The following USH2A variants were observed in gnomAD, a reference collection of about 807,000 sequenced individuals.
USH2A encodes Usher syndrome 2A (autosomal recessive, mild).
USH2A carries 443 observed loss-of-function variants against 538.9 expected under a neutral mutation model. The ratio of observed to expected loss-of-function variants is 0.82; its 90% CI spans 0.76 to 0.89. The LOEUF (loss-of-function observed/expected upper bound fraction) is 0.89, where lower values mean the gene tolerates loss of function less well. USH2A is among the 40% of genes least tolerant of loss of function. The probability of loss-of-function intolerance (pLI) is 0.00; values close to 1 mark genes in which losing one functional copy is unlikely to be tolerated. For synonymous variants in USH2A, 2,413 were observed against 2,273.5 expected (o/e 1.06, Z -1.75); for missense variants, 6,633 against 6,324.8 (o/e 1.05, Z -1.65).
At chr1:216,192,085 A>T (rs1396027274) in intron 19 of USH2A, among the ~76,000 whole-genome samples, 1 of 152,054 alleles carries the variant, frequency 6.6e-6, no homozygotes, top group Non-Finnish European at 1.5e-5. Context: ...AAAGTTTTTC[A>T]TGAAATAAGT....
At chr1:216,282,833 C>G (rs919402794) in intron 11 of USH2A, among the ~76,000 whole-genome samples, 1 of 152,100 alleles carries the variant, frequency 6.6e-6, no homozygotes, top group African/African-American at 2.4e-5. Flanking sequence ...AATATTAAGT[C>G]TTCTGATACA....
At chr1:215,935,982 T>C (rs1666482925) in intron 37 of USH2A, among the ~76,000 whole-genome samples, 1 of 152,002 alleles carries the variant, frequency 6.6e-6, no homozygotes, top group African/African-American at 2.4e-5. Flanking sequence ...AAATTTGAGA[T>C]TACAGTGAAC....
At chr1:215,923,184 T>A (rs1666145355) in intron 38 of USH2A, among the ~76,000 whole-genome samples, 1 of 152,030 alleles carries the variant, frequency 6.6e-6, no homozygotes, top group Non-Finnish European at 1.5e-5. Flanking sequence ...GCTTTTGTTT[T>A]CAAGTGGCAG....
intron 21 of USH2A, among the ~76,000 whole-genome samples, chr1:216,162,396 T>C (rs1186120844): frequency 1.3e-5 from 2 of 152,114 alleles, no homozygotes; most frequent in Admixed American, 6.6e-5. Flanking sequence ...TATCATCCTT[T>C]CTGTCCACCT....
intron 20 of USH2A, among the ~76,000 whole-genome samples, chr1:216,188,217 T>A (rs301747): frequency 6.6e-6 from 1 of 151,794 alleles, no homozygotes; most frequent in Non-Finnish European, 1.5e-5. Flanking sequence ...CTGCAACCAA[T>A]GAGGATACTA....
At chr1:216,077,458 G>A (rs946005123) in intron 27 of USH2A, among the ~76,000 whole-genome samples, 10 of 151,292 alleles carry the variant, frequency 6.6e-5, no homozygotes, top group African/African-American at 2.4e-4. Flanking sequence ...GCAATGAATT[G>A]CATTGATATT....
At chr1:215,692,716 G>T (rs1021055868) in intron 61 of USH2A, among the ~76,000 whole-genome samples, 1 of 152,004 alleles carries the variant, frequency 6.6e-6, no homozygotes, top group African/African-American at 2.4e-5. Context: ...CTATATCTAT[G>T]AGGAGCAGGG....
At chr1:216,092,577 T>G (rs2102568530) in intron 22 of USH2A, among the ~76,000 whole-genome samples, 1 of 152,292 alleles carries the variant, frequency 6.6e-6, no homozygotes, top group South Asian at 2.1e-4. Context: ...TATTCAAAAT[T>G]TTCACCATCC....
intron 30 of USH2A, among the ~76,000 whole-genome samples, chr1:216,062,731 A>G (rs1571927187): frequency 6.6e-6 from 1 of 152,202 alleles, no homozygotes. Flanking sequence ...ATTTGACTCT[A>G]CAAGCCGTGT....
At chr1:216,029,588 T>C (rs1373166268) in intron 32 of USH2A, among the ~76,000 whole-genome samples, 5 of 151,986 alleles carry the variant, frequency 3.3e-5, no homozygotes, top group Admixed American at 6.6e-5. Context: ...ATTAGTGTCA[T>C]ATAGCCACAA....
intron 3 of USH2A, among the ~76,000 whole-genome samples, chr1:216,416,745 G>T (rs1267150935): frequency 6.6e-6 from 1 of 152,090 alleles, no homozygotes; most frequent in East Asian, 1.9e-4. Flanking sequence ...AACTTTCTTT[G>T]TGAAGCTTTT....
At chr1:215,835,004 T>C (rs142631025) in intron 47 of USH2A, among the ~76,000 whole-genome samples, 8 of 151,958 alleles carry the variant, frequency 5.3e-5, no homozygotes, top group Non-Finnish European at 1.2e-4. Context: ...TGGTTATTTA[T>C]TTATTTTTTT....
chr1:215,972,704 C>A (rs1259735330), intron 35 of USH2A, among the ~76,000 whole-genome samples: 1 of 152,102 alleles, frequency 6.6e-6, no homozygotes, highest in Admixed American at 6.6e-5. Context: ...TATAGTTTAC[C>A]ATTCTGATAA....
At position 216,175,922 on chromosome 1, in the gene USH2A, T is replaced by G. The variant is rs549953540; in HGVS notation, c.4397-440A>C. 1.2e-4 allele frequency among the ~76,000 whole-genome samples: 18 copies of G among 152,216 alleles called. No individual in the cohort carries two copies. In the East Asian group the frequency reaches 3.3e-3, roughly 28 times the overall value. ...GAACTTCCCTTGGCTGAGTAAGAGC[T>G]GCCTCACCCAGGAGCCACAGGATCC... On this transcript the variant is annotated intron_variant, in intron 20 of 71. Transcript: ENST00000307340.
At chr1:216,065,009 T>C (rs577616924) in intron 30 of USH2A, among the ~76,000 whole-genome samples, 36 of 152,198 alleles carry the variant, frequency 2.4e-4, no homozygotes, top group Non-Finnish European at 3.2e-4. Context: ...CTCAGAGAAA[T>C]TGACAAAACT....
chr1:216,151,546 G>A (rs2033832683), intron 21 of USH2A, among the ~76,000 whole-genome samples: 1 of 152,136 alleles, frequency 6.6e-6, no homozygotes, highest in Admixed American at 6.5e-5. Flanking sequence ...TTCAACGTCT[G>A]TCATGACCTT....
intron 37 of USH2A, 116 bp from the exon 38 acceptor site, chr1:215,934,911 A>G (rs1666456064): frequency 2.0e-6 from 2 of 989,990 alleles, no homozygotes; most frequent in Non-Finnish European, 1.5e-6. Flanking sequence ...CTGTAACTTT[A>G]CCACTCTAAG....
chr1:215,678,327 C>T (rs1010773026), intron 62 of USH2A, among the ~76,000 whole-genome samples: 1 of 152,216 alleles, frequency 6.6e-6, no homozygotes, highest in East Asian at 1.9e-4. Context: ...CTGTCTCCTA[C>T]CAGTCCCTCC....
chr1:215,813,496 A>C (rs985952414), intron 49 of USH2A, among the ~76,000 whole-genome samples: 18 of 152,154 alleles, frequency 1.2e-4, no homozygotes, highest in South Asian at 2.1e-4. Context: ...CTCCAGATTT[A>C]TTTCTTTCTG....
Sources: gnomAD v4.1 joint callset for allele counts (sites outside exome capture counted in the v4.1 genomes callset) on GRCh38, gnomAD v4.1.1 for gene constraint, MANE v1.5 for transcripts, NCBI Gene and HGNC (gene_info 2026-07-23, HGNC 2026-07-21) for gene names.